The following ELAVL1 variants were observed in gnomAD, a reference collection of about 807,000 sequenced individuals.
ELAVL1 encodes the protein ELAV like RNA binding protein 1, also known as ELAV-like protein 1.
ELAVL1 carries 1 observed loss-of-function variant against 28.4 expected under a neutral mutation model. That is an observed-to-expected ratio of 0.04 (90% CI 0.01 to 0.17). The LOEUF is 0.17. ELAVL1 is among the 10% of genes least tolerant of loss of function. The probability of loss-of-function intolerance (pLI) is 1.00; values close to 1 mark genes in which losing one functional copy is unlikely to be tolerated. For missense variants in ELAVL1, 157 were observed against 447.2 expected, an observed-to-expected ratio of 0.35 and a Z score of 5.85; for synonymous variants, 174 against 183.5, an observed-to-expected ratio of 0.95 and a Z score of 0.42.
intron 2 of ELAVL1, among the ~76,000 whole-genome samples, chr19:7,988,757 C>T (rs1383198209): frequency 2.0e-5 from 3 of 152,230 alleles, no homozygotes; most frequent in South Asian, 4.1e-4. Flanking sequence ...TCCAGTGCGG[C>T]GTCCAGCCCT....
chr19:7,994,434 A>T (rs1985827243), intron 1 of ELAVL1, among the ~76,000 whole-genome samples: 1 of 152,268 alleles, frequency 6.6e-6, no homozygotes, highest in Admixed American at 6.5e-5. Flanking sequence ...GGAAAACTTG[A>T]TTCGGAACAT....
rs1984793692 is a variant in ELAVL1, at chr19:7,961,118, C to T, written c.*2365G>A. On this transcript the variant is annotated 3_prime_UTR_variant, in exon 6 of 6. Transcript: ENST00000407627. ...GCTCATATACTTCACAGTTTCTTCT[C>T]ACCTGTCCCAGCATCAGAATAATTG... 1 of 152,276 alleles carries T rather than the reference C, an allele frequency of 6.6e-6. No individual in the cohort carries two copies. Among genetic ancestry groups the T allele is most frequent in the Non-Finnish European group, 1.5e-5 (1 of 68,058 alleles). 9.4% of individuals were successfully genotyped at this position (152,276 alleles called of 1,614,324 possible).
intron 3 of ELAVL1, among the ~76,000 whole-genome samples, chr19:7,975,619 G>T (rs1229869047): frequency 1.3e-5 from 2 of 152,162 alleles, no homozygotes; most frequent in East Asian, 1.9e-4. Flanking sequence ...CCATTCTCAA[G>T]AATTCATCCA....
At chr19:8,002,177 C>T (rs1224132613) in intron 1 of ELAVL1, 5 of 1,250,074 alleles carry the variant, frequency 4.0e-6, no homozygotes, top group African/African-American at 3.1e-5. Context: ...GTTCTCTGAA[C>T]ACTGCGATGT....
intron 1 of ELAVL1, among the ~76,000 whole-genome samples, chr19:8,000,618 A>C (rs191169154): frequency 6.6e-6 from 1 of 152,362 alleles, no homozygotes; most frequent in East Asian, 1.9e-4. Flanking sequence ...CCAGGTAAAA[A>C]AGGCTTAGGT....
intron 2 of ELAVL1, among the ~76,000 whole-genome samples, chr19:7,989,008 C>A (rs531092086): frequency 3.3e-5 from 5 of 152,044 alleles, no homozygotes; most frequent in African/African-American, 1.2e-4. Context: ...GTCAGAGGAC[C>A]GAGGAGGGTA....
chr19:7,969,588 C>CT (rs1985048325), intron 4 of ELAVL1, among the ~76,000 whole-genome samples: 1 of 152,170 alleles, frequency 6.6e-6, no homozygotes, highest in Non-Finnish European at 1.5e-5. Context: ...ATGCTGTTTT[C>CT]TTTGAGTCTC....
At position 8,005,053 on chromosome 19, in the gene ELAVL1, G is replaced by A. The variant is rs561545336; in HGVS notation, c.-17+442C>T. ...TCTCAAAGGACCTCGCACCGGCCGCGGTGCTCTGACAACGACCACAAAAGA... is the reference window on the plus strand; with the variant it reads ...TCTCAAAGGACCTCGCACCGGCCGCAGTGCTCTGACAACGACCACAAAAGA... On this transcript the variant is annotated intron_variant, in intron 1 of 5. Coordinates refer to ENST00000407627, the MANE Select transcript of ELAVL1 (RefSeq NM_001419.3). 3.3e-5 allele frequency among the ~76,000 whole-genome samples: 5 copies of A among 152,222 alleles called. No individual in the cohort carries two copies. In the East Asian group the frequency reaches 9.7e-4, roughly 29 times the overall value.
At position 7,993,626 on chromosome 19, in the gene ELAVL1, T is replaced by A. The variant is rs112688206; in HGVS notation, c.-16-1795A>T. 1.9e-3 allele frequency among the ~76,000 whole-genome samples: 282 copies of A among 152,200 alleles called. 1 individual carries two copies. The highest frequency in any genetic ancestry group is 6.5e-3 in the African/African-American group (270 of 41,532). On this transcript the variant is annotated intron_variant, in intron 1 of 5. Transcript: ENST00000407627. ...TATGCCGAGCCCGCCCTGCTGAAAGTGCGCCGCACACTGGGCTCACTTCTC... is the reference window on the plus strand; with the variant it reads ...TATGCCGAGCCCGCCCTGCTGAAAGAGCGCCGCACACTGGGCTCACTTCTC...
intron 2 of ELAVL1, among the ~76,000 whole-genome samples, chr19:7,988,716 G>A (rs1452597335): frequency 2.0e-5 from 3 of 152,242 alleles, no homozygotes; most frequent in African/African-American, 7.2e-5. Flanking sequence ...CGTGGGTGGA[G>A]GCCAGGGATG....
At chr19:7,969,968 T>G (rs1462282027) in intron 4 of ELAVL1, among the ~76,000 whole-genome samples, 2 of 151,944 alleles carry the variant, frequency 1.3e-5, no homozygotes, top group Non-Finnish European at 2.9e-5. Flanking sequence ...CCCCTAGTGT[T>G]TTTTATTTTT....
At chr19:7,987,839 G>C (rs748037779) in intron 2 of ELAVL1, among the ~76,000 whole-genome samples, 10 of 152,216 alleles carry the variant, frequency 6.6e-5, no homozygotes, top group African/African-American at 9.6e-5. Context: ...CACAGTGCAG[G>C]TCGGCCCAGG....
chr19:7,994,915 C>T (rs181176365), intron 1 of ELAVL1, among the ~76,000 whole-genome samples: 323 of 152,324 alleles, frequency 2.1e-3, no homozygotes, highest in Non-Finnish European at 3.5e-3. Context: ...GATGGCGCCA[C>T]TGCACTCCAG....
intron 1 of ELAVL1, among the ~76,000 whole-genome samples, chr19:7,992,446 C>T (rs1365251774): frequency 1.3e-5 from 2 of 152,120 alleles, no homozygotes; most frequent in East Asian, 3.8e-4. Flanking sequence ...AAGAAATGAG[C>T]TATTAAGCTA....
chr19:8,000,244 G>T (rs2081063124), intron 1 of ELAVL1, among the ~76,000 whole-genome samples: 2 of 152,194 alleles, frequency 1.3e-5, no homozygotes, highest in African/African-American at 4.8e-5. Context: ...AGTCTTGTTT[G>T]GATGATCTCT....
rs1984737271 is a variant in ELAVL1 at position 7,959,150 on chromosome 19, TTACA to T, written c.*4329_*4332del. 2.0e-5 allele frequency: 3 copies of T among 152,592 alleles called. No homozygotes were observed. In the South Asian group the frequency reaches 6.2e-4, roughly 32 times the overall value. 9.5% of individuals were successfully genotyped at this position (152,592 alleles called of 1,614,324 possible). On this transcript the variant is annotated 3_prime_UTR_variant, in exon 6 of 6. Coordinates refer to ENST00000407627, the MANE Select transcript of ELAVL1 (RefSeq NM_001419.3). ...GAAAATAATTTAAAAAGCTTAAAAG[TTACA>T]TAGGCATCTTCAAAAGAACACAATG...
intron 4 of ELAVL1, among the ~76,000 whole-genome samples, chr19:7,968,371 CCT>C (rs1385650770): frequency 6.6e-6 from 1 of 152,238 alleles, no homozygotes; most frequent in African/African-American, 2.4e-5. Flanking sequence ...GTGGCCACCC[CCT>C]GCCAGCTCCA....
chr19:7,972,378 A>G (rs943064402), intron 4 of ELAVL1, among the ~76,000 whole-genome samples: 1 of 152,232 alleles, frequency 6.6e-6, no homozygotes, highest in African/African-American at 2.4e-5. Context: ...TCCCCTGCTC[A>G]TCTCTGCCTG....
In ELAVL1 at chr19:7,960,391, C is replaced by A. The variant is rs1229484116; in HGVS notation, c.*3092G>T. The A allele has an allele frequency of 1.3e-5, 2 of 152,202 alleles. No homozygotes were observed. The highest frequency in any genetic ancestry group is 2.9e-5 in the Non-Finnish European group (2 of 68,044). The allele number at this position is 152,202 out of a possible 1,614,324, so 9.4% of individuals were successfully genotyped here. A position where few individuals can be genotyped will look rare whatever the true frequency, so the allele number is the denominator to read the frequency against. Reference sequence around the variant, plus strand: ...ACCTGCGGGCGGGCCCCCGAGGAAGCCCATGAATTTCAGGATATTCACGCA... The same window carrying A: ...ACCTGCGGGCGGGCCCCCGAGGAAGACCATGAATTTCAGGATATTCACGCA... On this transcript the variant is annotated 3_prime_UTR_variant, in exon 6 of 6. Coordinates refer to ENST00000407627, the MANE Select transcript of ELAVL1 (RefSeq NM_001419.3).
Sources: gnomAD v4.1 joint callset for allele counts (sites outside exome capture counted in the v4.1 genomes callset) on GRCh38, gnomAD v4.1.1 for gene constraint, MANE v1.5 for transcripts, NCBI Gene and HGNC (gene_info 2026-07-23, HGNC 2026-07-21) for gene names.